The following SHISA6 variants were observed in gnomAD, a reference collection of about 807,000 sequenced individuals.
SHISA6 encodes the protein shisa family member 6, also known as protein shisa-6.
SHISA6 carries 22 observed loss-of-function variants against 47.9 expected under a neutral mutation model. The ratio of observed to expected loss-of-function variants is 0.46; its 90% confidence interval spans 0.33 to 0.66. The LOEUF is 0.66. Ranked by LOEUF, SHISA6 falls within the 30% of genes least tolerant of loss-of-function variation. The pLI, the probability that SHISA6 is intolerant of heterozygous loss-of-function variation, is 0.02. For missense variants in SHISA6, 680 were observed against 764.6 expected (o/e 0.89, Z 1.30); for synonymous variants, 388 against 337.8 (o/e 1.15, Z -1.63).
chr17:11,395,892 T>C (rs1913555479), intron 3 of SHISA6, among the ~76,000 whole-genome samples: 1 of 152,172 alleles, frequency 6.6e-6, no homozygotes, highest in Non-Finnish European at 1.5e-5. Flanking sequence ...AAATGTTGAA[T>C]AGTAGAGAAG....
chr17:11,338,165 C>T (rs1911387724), intron 2 of SHISA6, among the ~76,000 whole-genome samples: 1 of 152,160 alleles, frequency 6.6e-6, no homozygotes, highest in Non-Finnish European at 1.5e-5. Flanking sequence ...CACACAGCAA[C>T]CTCATGTTCA....
At chr17:11,472,039 T>C (rs1915946065) in intron 3 of SHISA6, among the ~76,000 whole-genome samples, 2 of 152,184 alleles carry the variant, frequency 1.3e-5, no homozygotes, top group Admixed American at 6.5e-5. Context: ...GTATTCATTA[T>C]TATAGTATCT....
chr17:11,384,796 T>C (rs191446229), intron 3 of SHISA6, among the ~76,000 whole-genome samples: 1 of 152,104 alleles, frequency 6.6e-6, no homozygotes, highest in Non-Finnish European at 1.5e-5. Flanking sequence ...TCTGCCATGC[T>C]GGGAGCCAGA....
intron 3 of SHISA6, among the ~76,000 whole-genome samples, chr17:11,513,227 A>G (rs566393592): frequency 6.6e-6 from 1 of 151,042 alleles, no homozygotes; most frequent in Admixed American, 6.6e-5. Context: ...TTATATATAT[A>G]TATAGTATAT....
At chr17:11,446,834 G>A (rs1329454637) in intron 3 of SHISA6, among the ~76,000 whole-genome samples, 3 of 152,146 alleles carry the variant, frequency 2.0e-5, no homozygotes, top group African/African-American at 7.2e-5. Context: ...TGGGTTCTTT[G>A]TCTGGAAACA....
chr17:11,420,527 T>C (rs1368945858), intron 3 of SHISA6, among the ~76,000 whole-genome samples: 5 of 152,164 alleles, frequency 3.3e-5, no homozygotes, highest in Non-Finnish European at 5.9e-5. Context: ...GAGGCACATA[T>C]TGGAATAACA....
chr17:11,357,862 A>G (rs958232488), intron 2 of SHISA6, among the ~76,000 whole-genome samples: 7 of 152,218 alleles, frequency 4.6e-5, no homozygotes. Context: ...CTCTTAGTAT[A>G]TATCACTATA....
chr17:11,255,914 T>C (rs904325515), intron 1 of SHISA6, among the ~76,000 whole-genome samples: 2 of 152,254 alleles, frequency 1.3e-5, no homozygotes, highest in Non-Finnish European at 2.9e-5. Flanking sequence ...GCTTAATAGG[T>C]GCCAGGCTCC....
intron 3 of SHISA6, among the ~76,000 whole-genome samples, chr17:11,511,116 T>C (rs922616793): frequency 1.3e-5 from 2 of 152,228 alleles, no homozygotes; most frequent in East Asian, 3.9e-4. Flanking sequence ...TAAAAAAGAA[T>C]GAATTCATGT....
chr17:11,529,203 AT>A (rs1158110206), intron 3 of SHISA6, among the ~76,000 whole-genome samples: 1 of 151,948 alleles, frequency 6.6e-6, no homozygotes, highest in Admixed American at 6.6e-5. Flanking sequence ...AAAAAAAAAA[AT>A]TAAAAAAAAT....
intron 2 of SHISA6, among the ~76,000 whole-genome samples, chr17:11,275,479 G>T (rs542626158): frequency 3.9e-5 from 6 of 152,198 alleles, no homozygotes; most frequent in African/African-American, 1.4e-4. Context: ...TGGATGTCAA[G>T]CGTCAGCAAT....
intron 3 of SHISA6, among the ~76,000 whole-genome samples, chr17:11,400,680 C>T (rs1220819460): frequency 2.6e-5 from 4 of 152,082 alleles, no homozygotes; most frequent in Non-Finnish European, 5.9e-5. Flanking sequence ...TAGTGGTTTC[C>T]ATTTCCTATA....
At chr17:11,277,575 G>A (rs12452324) in intron 2 of SHISA6, among the ~76,000 whole-genome samples, 34,142 of 151,992 alleles carry the variant, frequency 0.22, 4,589 homozygotes, top group East Asian at 0.42. Context: ...TATTTAATAC[G>A]TTATACAGAG....
chr17:11,451,588 A>G (rs1445507373), intron 3 of SHISA6, among the ~76,000 whole-genome samples: 2 of 152,220 alleles, frequency 1.3e-5, no homozygotes, highest in Non-Finnish European at 2.9e-5. Context: ...AAGGACTGAT[A>G]GAGTGGTTGG....
intron 3 of SHISA6, among the ~76,000 whole-genome samples, chr17:11,502,129 G>C (rs979894949): frequency 1.3e-5 from 2 of 152,154 alleles, no homozygotes; most frequent in Non-Finnish European, 2.9e-5. Context: ...CTAAAAACAG[G>C]CCGGGCGCGG....
At chr17:11,467,436 C>T (rs1915836945) in intron 3 of SHISA6, among the ~76,000 whole-genome samples, 1 of 152,166 alleles carries the variant, frequency 6.6e-6, no homozygotes, top group African/African-American at 2.4e-5. Context: ...CATATGATGT[C>T]ATATTTTTCT....
chr17:11,412,823 CCTTT>C (rs1178597748), intron 3 of SHISA6, among the ~76,000 whole-genome samples: 1 of 152,174 alleles, frequency 6.6e-6, no homozygotes, highest in East Asian at 1.9e-4. Context: ...CCGGGTGTGG[CCTTT>C]CTTTCCTTTA....
chr17:11,282,562 C>T (rs7216967), intron 2 of SHISA6, among the ~76,000 whole-genome samples: 44,780 of 151,974 alleles, frequency 0.29, 6,912 homozygotes, highest in Middle Eastern at 0.35. Flanking sequence ...CCCCACCTGC[C>T]GACAGGCCCC....
intron 2 of SHISA6, among the ~76,000 whole-genome samples, chr17:11,325,549 C>G (rs535275759): frequency 1.7e-3 from 266 of 152,072 alleles, no homozygotes; most frequent in Admixed American, 2.6e-3. Flanking sequence ...TGTAGGATGC[C>G]TATTCCAAAA....
Sources: gnomAD v4.1 joint callset for allele counts (sites outside exome capture counted in the v4.1 genomes callset) on GRCh38, gnomAD v4.1.1 for gene constraint, MANE v1.5 for transcripts, NCBI Gene and HGNC (gene_info 2026-07-23, HGNC 2026-07-21) for gene names.